Variants in EVPLL observed in about 807,000 individuals in gnomAD.
EVPLL encodes envoplakin-like protein.
EVPLL carries 39 observed loss-of-function variants against 46.2 expected under a neutral mutation model. The observed-to-expected ratio is 0.84, with a 90% CI of 0.65 to 1.10. The LOEUF (loss-of-function observed/expected upper bound fraction) is 1.10, where lower values mean the gene tolerates loss of function less well. Among genes scored for constraint, EVPLL ranks in the 50% least tolerant of loss-of-function variants. EVPLL has a pLI of 0.00. For synonymous variants in EVPLL, 156 were observed against 165.8 expected (o/e 0.94, Z 0.46); for missense variants, 385 against 412.6 (o/e 0.93, Z 0.58).
At chr17:18,378,422 G>A (rs1172376879) in intron 1 of EVPLL, among the ~76,000 whole-genome samples, 1 of 152,054 alleles carries the variant, frequency 6.6e-6, no homozygotes, top group African/African-American at 2.4e-5. Flanking sequence ...GGGTGGGGTG[G>A]GATCCCTGGG....
chr17:18,384,719 A>G, intron 9 of EVPLL, among the ~76,000 whole-genome samples: 1 of 152,164 alleles, frequency 6.6e-6, no homozygotes, highest in Admixed American at 6.6e-5. Flanking sequence ...GTGACAGAGC[A>G]AGACCCTGTC....
chr17:18,384,753 C>G (rs528518051), intron 9 of EVPLL, among the ~76,000 whole-genome samples: 1 of 152,270 alleles, frequency 6.6e-6, no homozygotes, highest in African/African-American at 2.4e-5. Context: ...CAGAATAGAG[C>G]TGGGGCTTCC....
At position 18,380,214 on chromosome 17, in the gene EVPLL, G is replaced by A. The variant is rs140918318; in HGVS notation, c.-36-688G>A. ...GCAGGTGCTCTATGGAGGCTGCAGG[G>A]CGAATGCACAGAAAAAGCCCTGGGG... On this transcript the variant is annotated intron_variant, in intron 1 of 10. Coordinates refer to ENST00000399134, the MANE Select transcript of EVPLL (RefSeq NM_001145127.2). 3.1e-3 allele frequency: 469 copies of A among 152,516 alleles called. 3 individuals are homozygous for A. Among genetic ancestry groups the A allele is most frequent in the Middle Eastern group, 0.014 (4 of 296 alleles). The allele number at this position is 152,516 out of a possible 1,614,324, so 9.4% of individuals were successfully genotyped here.
chr17:18,382,762 C>T (rs1987626441), intron 5 of EVPLL, 64 bp from the exon 6 acceptor site: 15 of 1,569,366 alleles, frequency 9.6e-6, no homozygotes, highest in Middle Eastern at 1.7e-4. Context: ...TTGCCCAGAT[C>T]TTAGGGGGCC....
intron 9 of EVPLL, among the ~76,000 whole-genome samples, chr17:18,384,807 AC>A (rs1410240002): frequency 1.3e-5 from 2 of 152,042 alleles, no homozygotes; most frequent in African/African-American, 4.8e-5. Context: ...CCTCCCTTGG[AC>A]CACCCGGTTC....
intron 7 of EVPLL, 33 bp from the exon 8 acceptor site, chr17:18,383,238 C>T (rs1987652865): frequency 6.4e-7 from 1 of 1,553,342 alleles, no homozygotes; most frequent in East Asian, 2.4e-5. Context: ...CATCCTGGTC[C>T]TCACCGCCGC....
In EVPLL at chr17:18,383,544, T is replaced by G; in HGVS notation, c.833T>G (p.Ile278Ser). 1 of 1,554,884 alleles carries G rather than the reference T, an allele frequency of 6.4e-7. No individual in the cohort carries two copies. Among genetic ancestry groups the G allele is most frequent in the Non-Finnish European group, 8.7e-7 (1 of 1,148,746 alleles). The change falls in exon 9 of 11, where the codon ATC (isoleucine) becomes AGC (serine). Residue 278 changes from isoleucine to serine, a missense_variant. Physicochemically the swap from Ile to Ser is moderately radical, Grantham distance 142. Coordinates refer to ENST00000399134, the MANE Select transcript of EVPLL (RefSeq NM_001145127.2). ...TGGCAGAACTTCCTGAACCTGTGCA[T>G]CTGCCAGGAGACCCAGCTCCAGCAC... ...MEWQNFLNLC[I>S]CQETQLQHVE... is the part of the protein sequence containing the mutation.
intron 5 of EVPLL, 57 bp from the exon 6 acceptor site, chr17:18,382,769 G>A: frequency 1.3e-6 from 2 of 1,581,010 alleles, no homozygotes; most frequent in African/African-American, 1.3e-5. Flanking sequence ...GATCTTAGGG[G>A]GCCGTCTCCC....
intron 4 of EVPLL, 120 bp from the exon 5 acceptor site, chr17:18,382,393 C>T: frequency 7.1e-7 from 1 of 1,418,404 alleles, no homozygotes; most frequent in Admixed American, 2.2e-5. Context: ...CCGGGCTGCT[C>T]TCAGGCTCGT....
At chr17:18,387,523 A>G (rs1412025901) in intron 9 of EVPLL, among the ~76,000 whole-genome samples, 2 of 96,468 alleles carry the variant, frequency 2.1e-5, no homozygotes, top group Non-Finnish European at 4.7e-5. Context: ...TGTTGCACCT[A>G]CTCAGCAGTT....
Position 18,381,475 on chromosome 17 carries a change from A to G in EVPLL, c.172A>G (p.Lys58Glu), listed in dbSNP as rs779624670. 77 of 1,613,742 alleles carry G rather than the reference A, an allele frequency of 4.8e-5. No homozygotes were observed. Among genetic ancestry groups the G allele is most frequent in the Non-Finnish European group, 6.3e-5 (74 of 1,179,996 alleles). ...CAAGGACCTCTTCCTGGACGTGGAC[A>G]AGGCCCGGCGGCTCAAGCACCCGCA... ...LLKDLFLDVDKARRLKHPQAE... is the reference protein window; with the variant it reads ...LLKDLFLDVDEARRLKHPQAE... The change falls in exon 3 of 11, where the codon AAG becomes GAG. Residue 58 changes from lysine to glutamate, a missense_variant. Coordinates refer to ENST00000399134, the MANE Select transcript of EVPLL (RefSeq NM_001145127.2). The surrounding 1 kb of genome is among the most constrained non-coding windows in gnomAD (Gnocchi z 4.2).
chr17:18,383,062 T>G lies in EVPLL; in HGVS notation c.549T>G (p.Pro183=), dbSNP rs746849876. The G allele has an allele frequency of 2.9e-5, 45 of 1,560,236 alleles. No individual in the cohort carries two copies. The highest frequency in any genetic ancestry group is 5.4e-5 in the African/African-American group (4 of 73,834). Residue 183 remains proline, a synonymous_variant, in exon 7 of 11, where the codon CCT becomes CCG. Transcript: ENST00000399134. ...TGGCGCGGGCAGAGCCTGGGCAGCC[T>G]GTACACGCACTGCAGGGCTGCACGT... The part of the protein sequence containing the change: ...GVVARAEPGQ[P]VHALQGCTWQ...
At chr17:18,387,634 G>A (rs1987810970) in intron 9 of EVPLL, among the ~76,000 whole-genome samples, 1 of 151,832 alleles carries the variant, frequency 6.6e-6, no homozygotes, top group Non-Finnish European at 1.5e-5. Flanking sequence ...TAGGAGGGGG[G>A]CTTCATCTGG....
rs776733805 is a variant in EVPLL, at chr17:18,381,622, C to G, written c.238C>G (p.Arg80Gly). 6.2e-7 allele frequency: 1 copy of G among 1,614,114 alleles called. No homozygotes were observed. The highest frequency in any genetic ancestry group is 8.5e-7 in the Non-Finnish European group (1 of 1,180,020). Residue 80 changes from arginine (R) to glycine (G), a missense_variant, in exon 4 of 11, where the codon CGG (arginine) becomes GGG (glycine). Coordinates refer to ENST00000399134, the MANE Select transcript of EVPLL (RefSeq NM_001145127.2). The surrounding 1 kb of genome is among the most constrained non-coding windows in gnomAD (Gnocchi z 4.2). Reference protein sequence around the residue: ...TEKDIEQLHERVTQECAEYCA... With the variant: ...TEKDIEQLHEGVTQECAEYCA... ...TGACAGCATCGAGCAGCTGCACGAG[C>G]GGGTGACCCAGGAGTGTGCGGAGTA...
rs113542513 is a variant in EVPLL at position 18,377,811 on chromosome 17, C to T, written c.-209C>T. 151 of 616,502 alleles carry T rather than the reference C, an allele frequency of 2.4e-4. No individual in the cohort carries two copies. In the East Asian group the frequency reaches 3.6e-3, roughly 15 times the overall value. 38.2% of individuals were successfully genotyped at this position (616,502 alleles called of 1,614,324 possible). A position where few individuals can be genotyped will look rare whatever the true frequency, so the allele number is the denominator to read the frequency against. ...TAGCTGACCAGCCAGCAAGGACGCCCGCTGCCTCCCACCTGCCCTCCTGCC... is the reference window on the plus strand; with the variant it reads ...TAGCTGACCAGCCAGCAAGGACGCCTGCTGCCTCCCACCTGCCCTCCTGCC... On this transcript the variant is annotated 5_prime_UTR_variant, in exon 1 of 11. Coordinates refer to ENST00000399134, the MANE Select transcript of EVPLL (RefSeq NM_001145127.2).
intron 6 of EVPLL, 36 bp from the exon 7 acceptor site, chr17:18,382,989 C>T (rs1342184147): frequency 1.3e-6 from 2 of 1,562,176 alleles, no homozygotes; most frequent in South Asian, 2.3e-5. Flanking sequence ...CTTTCTCTCT[C>T]CCCACCCTGC....
chr17:18,382,524 C>T lies in EVPLL; in HGVS notation c.358C>T (p.Arg120Cys). 1 of 1,551,702 alleles carries T rather than the reference C, an allele frequency of 6.4e-7. No homozygotes were observed. Among genetic ancestry groups the T allele is most frequent in the African/African-American group, 1.4e-5 (1 of 73,170 alleles). Residue 120 changes from arginine to cysteine, a missense_variant, in exon 5 of 11, where the codon CGC becomes TGC. Arg to Cys is a radical substitution (Grantham distance 180). Transcript: ENST00000399134. ...CGGCTCTCCTGCAGAAGCTGGTCTG[C>T]GCAGGCCAGTATGGGCCGGGCATGG... ...RAGAETEAGL[R>C]RPVWAGHGGA...
At chr17:18,388,362 G>A (rs1236714193) in intron 10 of EVPLL, 74 bp downstream of exon 10, 1 of 715,534 alleles carries the variant, frequency 1.4e-6, no homozygotes, top group African/African-American at 1.8e-5. Context: ...GTCATCCCCA[G>A]CCTAGTCTCA....
chr17:18,385,201 C>T (rs1987731426), intron 9 of EVPLL, among the ~76,000 whole-genome samples: 1 of 135,602 alleles, frequency 7.4e-6, no homozygotes, highest in East Asian at 2.0e-4. Context: ...AGTCCTTCCT[C>T]CTGGAGAATA....
Sources: allele counts gnomAD v4.1 joint callset (sites outside exome capture counted in the v4.1 genomes callset), GRCh38; gene constraint gnomAD v4.1.1; non-coding constraint Gnocchi (gnomAD v3.1); transcripts MANE v1.5; gene names NCBI Gene and HGNC (gene_info 2026-07-23, HGNC 2026-07-21).